The following LRRC4C variants were observed in gnomAD, a reference collection of about 807,000 sequenced individuals.
LRRC4C encodes the protein leucine-rich repeat-containing protein 4C.
A neutral mutation model predicts 33.6 loss-of-function variants in LRRC4C; 5 were observed. That is an observed-to-expected ratio of 0.15 (90% CI 0.08 to 0.31). The LOEUF (loss-of-function observed/expected upper bound fraction) is 0.31. LRRC4C is among the 10% of genes least tolerant of loss of function. The pLI, the probability that LRRC4C is intolerant of heterozygous loss-of-function variation, is 1.00. For synonymous variants in LRRC4C, 329 were observed against 302.0 expected (o/e 1.09, Z -0.93); for missense variants, 560 against 796.7 (o/e 0.70, Z 3.58).
intron 2 of LRRC4C, among the ~76,000 whole-genome samples, chr11:40,795,512 A>G (rs975187355): frequency 1.3e-5 from 2 of 152,218 alleles, no homozygotes; most frequent in African/African-American, 4.8e-5. Flanking sequence ...CCTGGGCGAC[A>G]GAGCGAGACT....
chr11:40,959,034 A>G (rs1959079418), intron 1 of LRRC4C, among the ~76,000 whole-genome samples: 1 of 151,718 alleles, frequency 6.6e-6, no homozygotes, highest in African/African-American at 2.4e-5. Context: ...GCCCAGGAGC[A>G]GTGGTTCTTG....
intron 1 of LRRC4C, among the ~76,000 whole-genome samples, chr11:41,242,726 G>A (rs1043856110): frequency 6.6e-6 from 1 of 152,064 alleles, no homozygotes; most frequent in African/African-American, 2.4e-5. Context: ...CACCTTAGGA[G>A]TTAGCAATTT....
intron 2 of LRRC4C, among the ~76,000 whole-genome samples, chr11:40,675,542 T>C (rs1254311733): frequency 6.6e-6 from 1 of 152,096 alleles, no homozygotes; most frequent in African/African-American, 2.4e-5. Flanking sequence ...GTAATCTCCC[T>C]TGTGTCACCA....
intron 2 of LRRC4C, among the ~76,000 whole-genome samples, chr11:40,882,176 AG>A (rs1197198693): frequency 1.2e-4 from 18 of 151,998 alleles, no homozygotes; most frequent in Non-Finnish European, 2.2e-4. Flanking sequence ...AATGACTAGC[AG>A]GCCTAAGCTT....
chr11:40,778,993 A>G (rs1250254181), intron 2 of LRRC4C, among the ~76,000 whole-genome samples: 1 of 152,188 alleles, frequency 6.6e-6, no homozygotes, highest in Non-Finnish European at 1.5e-5. Context: ...GAATTTTAAA[A>G]TATTGTTCTC....
At chr11:40,119,365 T>C (rs1042131017) in intron 6 of LRRC4C, among the ~76,000 whole-genome samples, 8 of 152,160 alleles carry the variant, frequency 5.3e-5, no homozygotes, top group African/African-American at 1.7e-4. Flanking sequence ...TTACTATTTT[T>C]TTCCCCCAGC....
At chr11:40,826,418 A>T (rs1048075883) in intron 2 of LRRC4C, among the ~76,000 whole-genome samples, 2 of 152,018 alleles carry the variant, frequency 1.3e-5, no homozygotes, top group African/African-American at 4.8e-5. Flanking sequence ...CTTTTGAGGC[A>T]GGAAGAGAAT....
intron 1 of LRRC4C, among the ~76,000 whole-genome samples, chr11:41,280,611 T>C (rs2136926412): frequency 6.6e-6 from 1 of 152,306 alleles, no homozygotes; most frequent in South Asian, 2.1e-4. Flanking sequence ...CATTATGCTA[T>C]ACGATGCAGG....
At chr11:41,239,373 A>G (rs1269481585) in intron 1 of LRRC4C, among the ~76,000 whole-genome samples, 1 of 150,792 alleles carries the variant, frequency 6.6e-6, no homozygotes, top group Non-Finnish European at 1.5e-5. Context: ...TTCCTATTTA[A>G]TCAGAGTAAT....
At chr11:40,865,719 T>A (rs868286350) in intron 2 of LRRC4C, among the ~76,000 whole-genome samples, 103 of 151,954 alleles carry the variant, frequency 6.8e-4, no homozygotes, top group African/African-American at 2.5e-3. Flanking sequence ...ACTTGAAGAA[T>A]ACCAAGAAGA....
intron 6 of LRRC4C, among the ~76,000 whole-genome samples, chr11:40,127,906 C>G (rs971357977): frequency 2.0e-5 from 3 of 152,176 alleles, no homozygotes; most frequent in Non-Finnish European, 4.4e-5. Context: ...TCTTTGATAT[C>G]TAGAGTGGCT....
intron 2 of LRRC4C, among the ~76,000 whole-genome samples, chr11:40,921,120 G>A (rs892663167): frequency 2.0e-5 from 3 of 151,862 alleles, no homozygotes; most frequent in African/African-American, 4.8e-5. Flanking sequence ...ACAAGGTCTC[G>A]CTATGTTGTC....
At chr11:41,143,858 G>T (rs147353704) in intron 1 of LRRC4C, among the ~76,000 whole-genome samples, 2 of 152,166 alleles carry the variant, frequency 1.3e-5, no homozygotes, top group African/African-American at 4.8e-5. Context: ...ACTTGCAAGC[G>T]TATCCTCTGT....
intron 2 of LRRC4C, among the ~76,000 whole-genome samples, chr11:40,849,425 T>G (rs1953367374): frequency 6.6e-6 from 1 of 152,176 alleles, no homozygotes; most frequent in African/African-American, 2.4e-5. Flanking sequence ...GATATGAAAT[T>G]CTACTTTGAG....
At chr11:41,098,311 T>G (rs1940947530) in intron 1 of LRRC4C, among the ~76,000 whole-genome samples, 1 of 152,160 alleles carries the variant, frequency 6.6e-6, no homozygotes, top group South Asian at 2.1e-4. Context: ...GTTTCTCAAT[T>G]CTTTCATTGG....
At chr11:40,360,826 T>A (rs774143555) in intron 3 of LRRC4C, among the ~76,000 whole-genome samples, 2 of 152,190 alleles carry the variant, frequency 1.3e-5, no homozygotes, top group Admixed American at 6.5e-5. Flanking sequence ...ATATCTTTGA[T>A]GAATATCAAT....
intron 1 of LRRC4C, among the ~76,000 whole-genome samples, chr11:41,145,792 T>C (rs368109575): frequency 6.6e-6 from 1 of 152,162 alleles, no homozygotes; most frequent in Non-Finnish European, 1.5e-5. Context: ...TCTCTTTCAC[T>C]ACAGACCATA....
chr11:41,237,269 T>C (rs1948065001), intron 1 of LRRC4C, among the ~76,000 whole-genome samples: 1 of 152,176 alleles, frequency 6.6e-6, no homozygotes, highest in African/African-American at 2.4e-5. Context: ...AAACAAATGA[T>C]TCAGCTTATG....
intron 3 of LRRC4C, among the ~76,000 whole-genome samples, chr11:40,591,895 G>A (rs1011122529): frequency 2.0e-5 from 3 of 152,166 alleles, no homozygotes; most frequent in African/African-American, 7.2e-5. Flanking sequence ...CAAATAAGGC[G>A]ACTGTATAAC....
Sources: gnomAD v4.1 joint callset for allele counts (sites outside exome capture counted in the v4.1 genomes callset) on GRCh38, gnomAD v4.1.1 for gene constraint, MANE v1.5 for transcripts, NCBI Gene and HGNC (gene_info 2026-07-23, HGNC 2026-07-21) for gene names.